Variants in CALN1 observed in about 807,000 individuals in gnomAD.
CALN1 encodes calcium-binding protein 8.
A neutral mutation model predicts 30.6 loss-of-function variants in CALN1; 17 were observed. The observed-to-expected ratio is 0.56, with a 90% CI of 0.38 to 0.83. CALN1 has a LOEUF of 0.83. Among genes scored for constraint, CALN1 ranks in the 40% least tolerant of loss-of-function variants. The pLI is 0.00. For synonymous variants in CALN1, 156 were observed against 131.4 expected (o/e 1.19, Z -1.28); for missense variants, 291 against 354.9 (o/e 0.82, Z 1.45).
chr7:71,884,330 G>C (rs772989435), intron 5 of CALN1, among the ~76,000 whole-genome samples: 4 of 152,168 alleles, frequency 2.6e-5, no homozygotes, highest in African/African-American at 9.7e-5. Flanking sequence ...TCCTGGAGGA[G>C]GTCCAGAATC....
At chr7:72,161,794 G>A (rs1788131360) in intron 3 of CALN1, among the ~76,000 whole-genome samples, 2 of 151,976 alleles carry the variant, frequency 1.3e-5, no homozygotes, top group Non-Finnish European at 2.9e-5. Context: ...AAGAGGGAGA[G>A]CATCCGGAAG....
chr7:71,967,857 A>G (rs1390627388), intron 5 of CALN1, among the ~76,000 whole-genome samples: 1 of 152,182 alleles, frequency 6.6e-6, no homozygotes, highest in African/African-American at 2.4e-5. Context: ...CTAAAATTTA[A>G]AAGCGAACAA....
At chr7:72,432,710 A>G (rs1808014898) in intron 1 of CALN1, among the ~76,000 whole-genome samples, 1 of 152,138 alleles carries the variant, frequency 6.6e-6, no homozygotes, top group Non-Finnish European at 1.5e-5. Context: ...TCCTTTCTGG[A>G]ACAAGGTGGA....
rs1232904710 is a variant in CALN1, at chr7:71,782,620, C to T, written c.*5155G>A. ...AAAGCAAGTATGAAGTGAAGCTGAA[C>T]AGTTGTGACACTCAAATTATCATGG... On this transcript the variant is annotated 3_prime_UTR_variant, in exon 7 of 7. Coordinates refer to ENST00000395275, the MANE Select transcript of CALN1 (RefSeq NM_031468.4). 1 of 152,178 alleles carries T rather than the reference C, an allele frequency of 6.6e-6. No homozygotes were observed. The highest frequency in any genetic ancestry group is 1.5e-5 in the Non-Finnish European group (1 of 68,046). 9.4% of individuals were successfully genotyped at this position (152,178 alleles called of 1,614,324 possible). A position where few individuals can be genotyped will look rare whatever the true frequency, so the allele number is the denominator to read the frequency against.
chr7:71,951,465 C>A (rs1796687514), intron 5 of CALN1, among the ~76,000 whole-genome samples: 1 of 152,122 alleles, frequency 6.6e-6, no homozygotes, highest in Non-Finnish European at 1.5e-5. Flanking sequence ...ATGGTGCGTG[C>A]CCGTAATCCC....
At chr7:72,294,330 T>A (rs1050677370) in intron 2 of CALN1, among the ~76,000 whole-genome samples, 3 of 152,100 alleles carry the variant, frequency 2.0e-5, no homozygotes, top group African/African-American at 7.2e-5. Flanking sequence ...TGAAGTACAG[T>A]GAAGTCCAAG....
chr7:72,073,287 AT>A (rs1804523911), intron 4 of CALN1, among the ~76,000 whole-genome samples: 1 of 152,140 alleles, frequency 6.6e-6, no homozygotes, highest in South Asian at 2.1e-4. Flanking sequence ...TACAGTTTCA[AT>A]TTTCCAAGAA....
At position 72,054,448 on chromosome 7, in the gene CALN1, CATATATAT is replaced by C. The variant is rs760013013; in HGVS notation, c.389-30687_389-30680del. The stretch of plus-strand genomic sequence containing the variant: ...ATATATACACGTATATATATATATA[CATATATAT>C]ACATATATATACATATATACATACA... On this transcript the variant is annotated intron_variant, in intron 4 of 6. Coordinates refer to ENST00000395275, the MANE Select transcript of CALN1 (RefSeq NM_031468.4). Among the ~76,000 whole-genome samples, 109 of 102,248 alleles carry C rather than the reference CATATATAT, an allele frequency of 1.1e-3. 7 individuals carry two copies. The highest frequency in any genetic ancestry group is 4.3e-3 in the African/African-American group (103 of 24,110). 67.1% of individuals were successfully genotyped at this position (102,248 alleles called of 152,430 possible). A position where few individuals can be genotyped will look rare whatever the true frequency, so the allele number is the denominator to read the frequency against.
intron 3 of CALN1, among the ~76,000 whole-genome samples, chr7:72,131,505 T>G (rs890245227): frequency 6.6e-6 from 1 of 152,158 alleles, no homozygotes; most frequent in Admixed American, 6.5e-5. Flanking sequence ...CTTGCTCCAT[T>G]CCCAGATTTT....
At chr7:72,281,638 C>T (rs1797738849) in intron 2 of CALN1, among the ~76,000 whole-genome samples, 2 of 152,198 alleles carry the variant, frequency 1.3e-5, no homozygotes, top group Admixed American at 6.5e-5. Context: ...CTGTTCTTAT[C>T]TAATTCACTT....
intron 5 of CALN1, among the ~76,000 whole-genome samples, chr7:71,954,506 G>T (rs939956257): frequency 1.3e-5 from 2 of 151,994 alleles, no homozygotes; most frequent in Non-Finnish European, 2.9e-5. Context: ...ATAAAAATTA[G>T]CTGGGCATAG....
rs541266047 is a variant in CALN1 at position 71,980,193 on chromosome 7, T to C, written c.501+43464A>G. The stretch of plus-strand genomic sequence containing the variant: ...TGCCTGGCCTCTTCTTTTTCTTTTT[T>C]TTTTTTTTTTTGAGACAGAGTCTCA... On this transcript the variant is annotated intron_variant, in intron 5 of 6. Coordinates refer to ENST00000395275, the MANE Select transcript of CALN1 (RefSeq NM_031468.4). 3.7e-3 allele frequency among the ~76,000 whole-genome samples: 554 copies of C among 149,048 alleles called. 7 individuals carry two copies. The highest frequency in any genetic ancestry group is 0.013 in the African/African-American group (524 of 40,640).
rs553803134 is a variant in CALN1 at position 72,179,871 on chromosome 7, A to C, written c.245-73577T>G. Among the ~76,000 whole-genome samples the C allele has an allele frequency of 6.6e-5, 10 of 152,354 alleles. No individual in the cohort carries two copies. The East Asian group carries it at 1.9e-3, about 29-fold the overall frequency. ...AGTTATATACTGACTCATATTAACA[A>C]AGGACATATACTGTTTGCTTATTAA... On this transcript the variant is annotated intron_variant, in intron 3 of 6. Transcript: ENST00000395275.
intron 4 of CALN1, among the ~76,000 whole-genome samples, chr7:72,028,248 A>T (rs1343314215): frequency 6.7e-6 from 1 of 149,198 alleles, no homozygotes; most frequent in East Asian, 2.0e-4. Flanking sequence ...GTGCACCTTC[A>T]AGGTAGCAAG....
At chr7:72,196,334 G>A (rs191444072) in intron 3 of CALN1, among the ~76,000 whole-genome samples, 165 of 152,266 alleles carry the variant, frequency 1.1e-3, no homozygotes, top group African/African-American at 3.7e-3. Flanking sequence ...GCCCAGGCTA[G>A]TCTCAAACTC....
upstream of CALN1, among the ~76,000 whole-genome samples, chr7:72,448,766 C>T (rs775970595): frequency 1.3e-5 from 2 of 152,130 alleles, no homozygotes; most frequent in East Asian, 1.9e-4. Context: ...CCACCATGCC[C>T]GGATAATTTT....
intron 4 of CALN1, among the ~76,000 whole-genome samples, chr7:72,093,879 A>G (rs959161738): frequency 6.6e-6 from 1 of 152,222 alleles, no homozygotes; most frequent in Middle Eastern, 3.2e-3. Context: ...CTGATGGAAA[A>G]GGAGTGGGAC....
chr7:72,271,390 ATATC>A (rs1163700454), intron 3 of CALN1, among the ~76,000 whole-genome samples: 2 of 151,418 alleles, frequency 1.3e-5, no homozygotes, highest in Non-Finnish European at 2.9e-5. Context: ...TGCATGGTGA[ATATC>A]TATCTTCCAT....
intron 3 of CALN1, among the ~76,000 whole-genome samples, chr7:72,176,115 A>C (rs1476194868): frequency 6.6e-6 from 1 of 152,120 alleles, no homozygotes; most frequent in Non-Finnish European, 1.5e-5. Context: ...AAAAACTCTT[A>C]ATCTGTAAGA....
Sources: allele counts gnomAD v4.1 joint callset (sites outside exome capture counted in the v4.1 genomes callset), GRCh38; gene constraint gnomAD v4.1.1; transcripts MANE v1.5; gene names NCBI Gene and HGNC (gene_info 2026-07-23, HGNC 2026-07-21).